The following COL23A1 variants were observed in gnomAD, a reference collection of about 807,000 sequenced individuals.
COL23A1 encodes the protein collagen alpha-1(XXIII) chain.
A neutral mutation model predicts 99.3 loss-of-function variants in COL23A1; 97 were observed. The observed-to-expected ratio is 0.98, with a 90% confidence interval of 0.83 to 1.16. The LOEUF is 1.16. COL23A1 is among the 50% of genes most tolerant of loss of function. The pLI, the probability that COL23A1 is intolerant of heterozygous loss-of-function variation, is 0.00. For synonymous variants in COL23A1, 320 were observed against 308.2 expected, an observed-to-expected ratio of 1.04 and a Z score of -0.40; for missense variants, 762 against 757.4, an observed-to-expected ratio of 1.01 and a Z score of -0.07.
At chr5:178,301,236 C>G (rs1262703939) in intron 3 of COL23A1, among the ~76,000 whole-genome samples, 1 of 152,134 alleles carries the variant, frequency 6.6e-6, no homozygotes, top group African/African-American at 2.4e-5. Flanking sequence ...TTTTTCATTT[C>G]AGTTATGGTA....
Position 178,473,710 on chromosome 5 carries a change from A to G in COL23A1, c.361+86972T>C, listed in dbSNP as rs141756308. On this transcript the variant is annotated intron_variant, in intron 2 of 28. Coordinates refer to ENST00000390654, the MANE Select transcript of COL23A1 (RefSeq NM_173465.4). ...TGACTATACTGTTTCTACTCTTCCA[A>G]CATTCACCTATGATCAGCCTTACCC... 1.1e-3 allele frequency among the ~76,000 whole-genome samples: 161 copies of G among 152,126 alleles called. 3 individuals are homozygous for G. The highest frequency in any genetic ancestry group is 3.6e-3 in the African/African-American group (150 of 41,498).
At chr5:178,532,217 A>G (rs1760688645) in intron 2 of COL23A1, among the ~76,000 whole-genome samples, 6 of 152,220 alleles carry the variant, frequency 3.9e-5, no homozygotes, top group Admixed American at 2.6e-4. Context: ...CAGCCTGTTG[A>G]CTTAATCAGG....
intron 5 of COL23A1, 88 bp downstream of exon 5, chr5:178,288,236 C>A (rs145936914): frequency 1.3e-5 from 15 of 1,113,814 alleles, no homozygotes; most frequent in Non-Finnish European, 2.1e-5. Context: ...GAGACAGGAG[C>A]GCAGACAGAG....
At chr5:178,373,383 T>G (rs1762904464) in intron 2 of COL23A1, among the ~76,000 whole-genome samples, 1 of 152,200 alleles carries the variant, frequency 6.6e-6, no homozygotes, top group Non-Finnish European at 1.5e-5. Flanking sequence ...GGCGCGAACC[T>G]CCAAGGTGTC....
rs557362404 is a variant in COL23A1 at position 178,577,382 on chromosome 5, C to G, written c.294+12522G>C. On this transcript the variant is annotated intron_variant, in intron 1 of 28. Coordinates refer to ENST00000390654, the MANE Select transcript of COL23A1 (RefSeq NM_173465.4). ...TCCGCCTCTTTAAAGACCCCATCCC[C>G]AAGGGCGGCCGCATCCGGAGGCCCA... Among the ~76,000 whole-genome samples, 8 of 152,354 alleles carry G rather than the reference C, an allele frequency of 5.3e-5. No homozygotes were observed. In the South Asian group the frequency reaches 1.7e-3, roughly 32 times the overall value.
At chr5:178,315,521 T>C (rs1001960390) in intron 2 of COL23A1, among the ~76,000 whole-genome samples, 1 of 152,210 alleles carries the variant, frequency 6.6e-6, no homozygotes, top group African/African-American at 2.4e-5. Context: ...GCACCAGTGA[T>C]GCCCTCCTAA....
At position 178,560,671 on chromosome 5, in the gene COL23A1, C is replaced by T; in HGVS notation, c.361+11G>A. 2 of 1,610,750 alleles carry T rather than the reference C, an allele frequency of 1.2e-6. No individual in the cohort carries two copies. The highest frequency in any genetic ancestry group is 1.7e-6 in the Non-Finnish European group (2 of 1,178,986). ...ACGCAGGAGCCAGAAGGGAGCTCAACCTTCACTTACCTGGGGGGCAGACAC... is the reference window on the plus strand; with the variant it reads ...ACGCAGGAGCCAGAAGGGAGCTCAATCTTCACTTACCTGGGGGGCAGACAC... On this transcript the variant is annotated intron_variant, in intron 2 of 28. Coordinates refer to ENST00000390654, the MANE Select transcript of COL23A1 (RefSeq NM_173465.4).
chr5:178,339,195 G>A (rs559281420), intron 2 of COL23A1, among the ~76,000 whole-genome samples: 2 of 152,264 alleles, frequency 1.3e-5, no homozygotes, highest in South Asian at 2.1e-4. Context: ...CTCAGCACTC[G>A]TCTGGGTCCT....
rs988847826 is a variant in COL23A1 at position 178,310,435 on chromosome 5, GC to G, written c.362-3517del. Among the ~76,000 whole-genome samples, 2 of 152,222 alleles carry G rather than the reference GC, an allele frequency of 1.3e-5. No individual in the cohort carries two copies. Among genetic ancestry groups the G allele is most frequent in the African/African-American group, 4.8e-5 (2 of 41,456 alleles). On this transcript the variant is annotated intron_variant, in intron 2 of 28. Coordinates refer to ENST00000390654, the MANE Select transcript of COL23A1 (RefSeq NM_173465.4). The surrounding 1 kb of genome is among the most constrained non-coding windows in gnomAD (Gnocchi z 4.3). The stretch of plus-strand genomic sequence containing the variant: ...TTTTCCTCCAGGACTCCCTGTGCCC[GC>G]CCCGCAGGCTCACCTTCTGCCTCGC...
intron 4 of COL23A1, among the ~76,000 whole-genome samples, chr5:178,288,712 T>C (rs775050961): frequency 1.3e-5 from 2 of 152,166 alleles, no homozygotes; most frequent in Non-Finnish European, 2.9e-5. Context: ...CTCCTTAAAC[T>C]AGGCCTGGAA....
At chr5:178,373,503 G>A (rs947774230) in intron 2 of COL23A1, among the ~76,000 whole-genome samples, 1 of 151,778 alleles carries the variant, frequency 6.6e-6, no homozygotes, top group African/African-American at 2.4e-5. Flanking sequence ...TGCAACCTCC[G>A]CCTCCCAGGT....
intron 2 of COL23A1, among the ~76,000 whole-genome samples, chr5:178,425,623 C>T (rs954900893): frequency 2.0e-5 from 3 of 152,204 alleles, no homozygotes; most frequent in African/African-American, 4.8e-5. Flanking sequence ...GGCCAACACA[C>T]GTCTGGCATT....
chr5:178,451,636 G>A (rs1767492668), intron 2 of COL23A1, among the ~76,000 whole-genome samples: 1 of 120,310 alleles, frequency 8.3e-6, no homozygotes, highest in African/African-American at 3.4e-5. Flanking sequence ...GAGCCTGGGC[G>A]ACAGAGCGAA....
chr5:178,465,928 C>T (rs1336110169), intron 2 of COL23A1, among the ~76,000 whole-genome samples: 3 of 152,136 alleles, frequency 2.0e-5, no homozygotes, highest in Non-Finnish European at 2.9e-5. Flanking sequence ...GAGTCTAACT[C>T]AGCGCACACT....
chr5:178,376,096 T>A (rs527543113), intron 2 of COL23A1, among the ~76,000 whole-genome samples: 2 of 152,170 alleles, frequency 1.3e-5, no homozygotes, highest in Non-Finnish European at 2.9e-5. Flanking sequence ...CTATTTAATA[T>A]CCCACTCTGC....
intron 3 of COL23A1, among the ~76,000 whole-genome samples, chr5:178,301,436 A>G (rs1040212975): frequency 4.6e-5 from 7 of 152,212 alleles, no homozygotes; most frequent in Admixed American, 6.5e-5. Context: ...GGGTTTCCTC[A>G]GGGATAGTTT....
intron 2 of COL23A1, among the ~76,000 whole-genome samples, chr5:178,368,907 G>A (rs915197990): frequency 3.3e-5 from 5 of 152,356 alleles, no homozygotes; most frequent in East Asian, 1.9e-4. Flanking sequence ...CCTGCACCCC[G>A]AGGGCTGCTC....
chr5:178,469,767 C>T (rs1280573196), intron 2 of COL23A1, among the ~76,000 whole-genome samples: 5 of 152,260 alleles, frequency 3.3e-5, no homozygotes, highest in East Asian at 1.9e-4. Flanking sequence ...CTGGTGATAA[C>T]CAGAATCGGT....
rs1301471808 is a variant in COL23A1 at position 178,560,703 on chromosome 5, A to G, written c.340T>C (p.Ser114Pro). 4 of 1,611,120 alleles carry G rather than the reference A, an allele frequency of 2.5e-6. No homozygotes were observed. Among genetic ancestry groups the G allele is most frequent in the East Asian group, 4.5e-5 (2 of 44,592 alleles). Residue 114 changes from serine to proline, a missense_variant, in exon 2 of 29, where the codon TCC becomes CCC. Transcript: ENST00000390654. ...AKIRTAREAP[S>P]ECVCPPGPPG... Reference sequence around the variant, plus strand: ...TTACCTGGGGGGCAGACACATTCGGATGGAGCTTCCCGAGCAGTCCGGATC... The same window carrying G: ...TTACCTGGGGGGCAGACACATTCGGGTGGAGCTTCCCGAGCAGTCCGGATC...
Sources: gnomAD v4.1 joint callset for allele counts (sites outside exome capture counted in the v4.1 genomes callset) on GRCh38, gnomAD v4.1.1 for gene constraint, Gnocchi (gnomAD v3.1) non-coding constraint, MANE v1.5 for transcripts, NCBI Gene and HGNC (gene_info 2026-07-23, HGNC 2026-07-21) for gene names.